RBFOX1: variants seen among roughly 807,000 people sequenced by gnomAD.
The protein encoded by RBFOX1 is RNA binding protein fox-1 homolog 1.
A neutral mutation model predicts 57.7 loss-of-function variants in RBFOX1; 8 were observed. The ratio of observed to expected loss-of-function variants is 0.14; its 90% CI spans 0.08 to 0.25. The LOEUF is 0.25. Ranked by LOEUF, RBFOX1 falls within the 10% of genes least tolerant of loss-of-function variation. The pLI is 1.00. For missense variants in RBFOX1, 611 were observed against 548.5 expected (o/e 1.11, Z -1.14); for synonymous variants, 326 against 222.4 (o/e 1.47, Z -4.15).
At chr16:5,310,834 T>G (rs748820489) in intron 1 of RBFOX1, among the ~76,000 whole-genome samples, 1 of 152,230 alleles carries the variant, frequency 6.6e-6, no homozygotes, top group Admixed American at 6.5e-5. Flanking sequence ...AGTACACTCT[T>G]TTCTTTAAAA....
intron 1 of RBFOX1, among the ~76,000 whole-genome samples, chr16:5,372,521 C>T (rs941107109): frequency 2.6e-5 from 4 of 152,208 alleles, no homozygotes; most frequent in Admixed American, 6.5e-5. Context: ...GATTCCTCCA[C>T]GTGTGGCACA....
chr16:7,046,561 C>G (rs116000978), intron 3 of RBFOX1, among the ~76,000 whole-genome samples: 2,702 of 147,108 alleles, frequency 0.018, 82 homozygotes, highest in African/African-American at 0.065. Flanking sequence ...TAAAGTTTAT[C>G]ACCACGTATG....
chr16:7,308,412 C>T (rs1030662978), intron 4 of RBFOX1, among the ~76,000 whole-genome samples: 2 of 151,372 alleles, frequency 1.3e-5, no homozygotes, highest in Non-Finnish European at 2.9e-5. Flanking sequence ...AAGAAAGCTT[C>T]TTATCTGTCA....
At chr16:6,925,440 G>A (rs901585885) in intron 3 of RBFOX1, among the ~76,000 whole-genome samples, 2 of 144,640 alleles carry the variant, frequency 1.4e-5, no homozygotes, top group African/African-American at 5.1e-5. Flanking sequence ...TTTTTAATGC[G>A]ACTAATGGAC....
At chr16:6,921,368 A>G (rs138268987) in intron 3 of RBFOX1, among the ~76,000 whole-genome samples, 102 of 152,226 alleles carry the variant, frequency 6.7e-4, no homozygotes, top group African/African-American at 2.3e-3. Context: ...TGGAGGCTCA[A>G]ATGGGGATGG....
At chr16:6,722,582 A>T (rs1333681254) in intron 3 of RBFOX1, among the ~76,000 whole-genome samples, 1 of 152,224 alleles carries the variant, frequency 6.6e-6, no homozygotes. Flanking sequence ...GAGAACCTAC[A>T]GACTTCTTTA....
At chr16:6,338,614 G>C (rs1275754937) in intron 2 of RBFOX1, among the ~76,000 whole-genome samples, 8 of 152,170 alleles carry the variant, frequency 5.3e-5, no homozygotes, top group Admixed American at 3.9e-4. Context: ...TTCTCTTAAA[G>C]AGTACTTTAA....
At chr16:7,014,339 A>T (rs1017540674) in intron 3 of RBFOX1, among the ~76,000 whole-genome samples, 1 of 151,858 alleles carries the variant, frequency 6.6e-6, no homozygotes, top group South Asian at 2.1e-4. Flanking sequence ...CAGCCTCCCT[A>T]GTAGCCAGGA....
At chr16:6,888,267 T>G (rs1255122801) in intron 3 of RBFOX1, among the ~76,000 whole-genome samples, 1 of 152,202 alleles carries the variant, frequency 6.6e-6, no homozygotes, top group Non-Finnish European at 1.5e-5. Context: ...CAATGCTTTA[T>G]GGGTTTGTGT....
At chr16:6,502,907 C>T (rs545348712) in intron 2 of RBFOX1, among the ~76,000 whole-genome samples, 6 of 152,066 alleles carry the variant, frequency 3.9e-5, no homozygotes, top group South Asian at 2.1e-4. Flanking sequence ...ACTTGTAAAC[C>T]GTCATATTAT....
chr16:6,841,280 G>T (rs1179086756), intron 3 of RBFOX1, among the ~76,000 whole-genome samples: 1 of 152,116 alleles, frequency 6.6e-6, no homozygotes, highest in Admixed American at 6.6e-5. Flanking sequence ...TCCTTGCGAG[G>T]TTTGATAAGG....
rs1405792223 is a variant in RBFOX1 at position 7,518,367 on chromosome 16, A to T, written c.248A>T (p.Gln83Leu). The T allele has an allele frequency of 6.2e-7, 1 of 1,611,482 alleles. No individual in the cohort carries two copies. ...CAGAGCCCGGCGGACACGAGCGCTC[A>T]GACCGTCTCTGGCACCGCCACAGTA... ...SEQSPADTSAQTVSGTATQTD... is the reference protein window; with the variant it reads ...SEQSPADTSALTVSGTATQTD... Residue 83 changes from glutamine to leucine, a missense_variant, in exon 5 of 16, where the codon CAG (glutamine) becomes CTG (leucine). Around this residue, in one of 3 missense-constraint regions of RBFOX1, gnomAD observed 245 missense variants for 159.1 expected, o/e 1.54. Transcript: ENST00000550418.
intron 2 of RBFOX1, among the ~76,000 whole-genome samples, chr16:6,440,881 C>T (rs1298517366): frequency 6.7e-6 from 1 of 150,280 alleles, no homozygotes; most frequent in Non-Finnish European, 1.5e-5. Flanking sequence ...CAACAGTGAA[C>T]AGTATGGATG....
chr16:6,987,707 A>G (rs2090606395), intron 3 of RBFOX1, among the ~76,000 whole-genome samples: 1 of 152,170 alleles, frequency 6.6e-6, no homozygotes, highest in Non-Finnish European at 1.5e-5. Context: ...ATAGAAACTC[A>G]TCCAAATACA....
At chr16:5,637,552 C>T (rs899826545) in intron 3 of RBFOX1, among the ~76,000 whole-genome samples, 2 of 152,192 alleles carry the variant, frequency 1.3e-5, no homozygotes, top group African/African-American at 4.8e-5. Flanking sequence ...CCTAGTGTAT[C>T]CTCAATAAAT....
chr16:7,297,096 A>G (rs2095909913), intron 4 of RBFOX1, among the ~76,000 whole-genome samples: 1 of 152,188 alleles, frequency 6.6e-6, no homozygotes, highest in Admixed American at 6.5e-5. Context: ...GACAAGGCTC[A>G]AGGGTCAAGG....
intron 4 of RBFOX1, among the ~76,000 whole-genome samples, chr16:5,987,669 T>A (rs78321304): frequency 6.6e-6 from 1 of 152,106 alleles, no homozygotes; most frequent in Non-Finnish European, 1.5e-5. Flanking sequence ...TTCCTATGAG[T>A]AGCCACCGTA....
At chr16:7,620,128 AAAGT>A (rs1402290846) in intron 10 of RBFOX1, among the ~76,000 whole-genome samples, 1 of 152,240 alleles carries the variant, frequency 6.6e-6, no homozygotes. Context: ...TCTGAAAACC[AAAGT>A]AAGTCCTCAG....
chr16:7,199,633 C>G (rs906442869), intron 4 of RBFOX1, among the ~76,000 whole-genome samples: 6 of 152,178 alleles, frequency 3.9e-5, no homozygotes, highest in African/African-American at 1.4e-4. Flanking sequence ...GTAGCTCACG[C>G]CTGTAATCCC....
Sources: allele counts gnomAD v4.1 joint callset (sites outside exome capture counted in the v4.1 genomes callset), GRCh38; gene constraint gnomAD v4.1.1; regional missense constraint gnomAD v4.1.1; transcripts MANE v1.5; gene names NCBI Gene and HGNC (gene_info 2026-07-23, HGNC 2026-07-21).